The following SYNPR variants were observed in gnomAD, a reference collection of about 807,000 sequenced individuals.
The protein encoded by SYNPR is synaptoporin.
Under a neutral mutation model 32.9 loss-of-function variants are expected in SYNPR, and 23 were observed. The ratio of observed to expected loss-of-function variants is 0.70; its 90% CI spans 0.50 to 0.99. SYNPR has a LOEUF of 0.99. SYNPR is among the 50% of genes least tolerant of loss of function. The probability of loss-of-function intolerance (pLI) is 0.00; values close to 1 mark genes in which losing one functional copy is unlikely to be tolerated. For synonymous variants in SYNPR, 146 were observed against 135.9 expected, an observed-to-expected ratio of 1.07 and a Z score of -0.52; for missense variants, 318 against 349.3, an observed-to-expected ratio of 0.91 and a Z score of 0.71.
At chr3:63,408,269 GAAAGAAAGAGGAAGGAAGGAAGGA>G (rs2088403807) in intron 2 of SYNPR, among the ~76,000 whole-genome samples, 4 of 112,158 alleles carry the variant, frequency 3.6e-5, no homozygotes, top group East Asian at 2.6e-4. Context: ...AAGAAAGAAA[GAAAGAAAGAGGAAGGAAGGAAGGA>G]AGGAAGGAAG....
intron 2 of SYNPR, among the ~76,000 whole-genome samples, chr3:63,374,791 G>A (rs1265565151): frequency 6.6e-6 from 1 of 152,092 alleles, no homozygotes; most frequent in Non-Finnish European, 1.5e-5. Flanking sequence ...CTCAAATTAT[G>A]TTTAATATTA....
chr3:63,451,300 AC>A (rs1462236878), intron 2 of SYNPR, among the ~76,000 whole-genome samples: 1 of 152,064 alleles, frequency 6.6e-6, no homozygotes, highest in Non-Finnish European at 1.5e-5. Context: ...GGTTAGGGGA[AC>A]CATTTCCCCA....
intron 3 of SYNPR, among the ~76,000 whole-genome samples, chr3:63,512,929 G>T (rs1575684876): frequency 6.6e-6 from 1 of 152,092 alleles, no homozygotes; most frequent in African/African-American, 2.4e-5. Context: ...TCCTTGGAAA[G>T]CTTCTTGGTT....
At chr3:63,599,196 A>G (rs1355733900) in intron 4 of SYNPR, among the ~76,000 whole-genome samples, 2 of 152,174 alleles carry the variant, frequency 1.3e-5, no homozygotes, top group Non-Finnish European at 2.9e-5. Context: ...TGGTGACATC[A>G]TAGCCATCAT....
intron 2 of SYNPR, among the ~76,000 whole-genome samples, chr3:63,462,022 T>G (rs553960883): frequency 3.3e-5 from 5 of 152,256 alleles, no homozygotes; most frequent in African/African-American, 9.6e-5. Context: ...CCATCCCGTC[T>G]TGCCTCAAGC....
chr3:63,445,433 A>G, intron 2 of SYNPR: 2 of 616,840 alleles, frequency 3.2e-6, no homozygotes, highest in East Asian at 5.5e-5. Context: ...ATAATATCAT[A>G]ACCAGAAAAT....
At chr3:63,495,734 CT>C (rs1337043483) in intron 3 of SYNPR, among the ~76,000 whole-genome samples, 1 of 151,908 alleles carries the variant, frequency 6.6e-6, no homozygotes, top group Non-Finnish European at 1.5e-5. Flanking sequence ...TTCTAAAATC[CT>C]TTTAGCAAAA....
chr3:63,254,256 C>T (rs1329160227), intron 2 of SYNPR, among the ~76,000 whole-genome samples: 1 of 152,030 alleles, frequency 6.6e-6, no homozygotes, highest in Non-Finnish European at 1.5e-5. Flanking sequence ...CAACATGGCA[C>T]ATGTATACAT....
chr3:63,372,739 G>A (rs2087834815), intron 2 of SYNPR, among the ~76,000 whole-genome samples: 1 of 152,212 alleles, frequency 6.6e-6, no homozygotes, highest in East Asian at 1.9e-4. Flanking sequence ...AAGCTGGGGT[G>A]AAAACATAAA....
intron 2 of SYNPR, among the ~76,000 whole-genome samples, chr3:63,260,020 G>A (rs1321733270): frequency 1.3e-5 from 2 of 152,122 alleles, no homozygotes; most frequent in African/African-American, 2.4e-5. Context: ...CAAGGGACGC[G>A]AAGGACCTCT....
chr3:63,446,950 C>T (rs931078338), intron 2 of SYNPR, among the ~76,000 whole-genome samples: 8 of 151,984 alleles, frequency 5.3e-5, no homozygotes, highest in African/African-American at 1.7e-4. Context: ...AATACATTTC[C>T]AAAATGATAG....
chr3:63,209,487 T>G, the SYNPR span, among the ~76,000 whole-genome samples: 1 of 152,172 alleles, frequency 6.6e-6, no homozygotes, highest in Non-Finnish European at 1.5e-5. Flanking sequence ...GGGGTTAATT[T>G]AAACAACAAA....
At chr3:63,242,399 C>A (rs2086255729) in intron 1 of SYNPR, among the ~76,000 whole-genome samples, 1 of 152,072 alleles carries the variant, frequency 6.6e-6, no homozygotes, top group Admixed American at 6.6e-5. Flanking sequence ...TGGGAAAACT[C>A]TGCCCCGACC....
At chr3:63,568,478 CCACTTATATAGTCCT>C (rs1168384816) in intron 4 of SYNPR, among the ~76,000 whole-genome samples, 1 of 152,164 alleles carries the variant, frequency 6.6e-6, no homozygotes, top group Non-Finnish European at 1.5e-5. Flanking sequence ...CCACCCTCTC[CCACTTATATAGTCCT>C]GGCGGATGGT....
intron 2 of SYNPR, among the ~76,000 whole-genome samples, chr3:63,346,424 A>T (rs1215185860): frequency 1.3e-5 from 2 of 152,144 alleles, no homozygotes; most frequent in African/African-American, 4.8e-5. Context: ...CTTGCAACTG[A>T]GAAGTTGTAC....
chr3:63,520,665 T>TGTGA (rs1385801166), intron 3 of SYNPR, among the ~76,000 whole-genome samples: 15 of 111,494 alleles, frequency 1.3e-4, no homozygotes, highest in East Asian at 2.6e-4. Flanking sequence ...AGAGCAAGAC[T>TGTGA]CCATCTCAAA....
intron 2 of SYNPR, among the ~76,000 whole-genome samples, chr3:63,451,900 T>C (rs184221760): frequency 8.5e-4 from 129 of 152,272 alleles, no homozygotes; most frequent in Admixed American, 2.7e-3. Context: ...GACCATTATC[T>C]GCTGGCATTC....
rs143281989 is a variant in SYNPR, at chr3:63,437,659, G to A, written c.85-43173G>A. Among the ~76,000 whole-genome samples, 89 of 143,192 alleles carry A rather than the reference G, an allele frequency of 6.2e-4. 1 individual carries two copies. Among genetic ancestry groups the A allele is most frequent in the African/African-American group, 1.8e-3 (70 of 39,914 alleles). 93.9% of individuals were successfully genotyped at this position (143,192 alleles called of 152,430 possible). Reference sequence around the variant, plus strand: ...GAAGGGAGGTAGGGAGGGAGGGAGGGAGAGAAAGAAAGAAAAAGAAGGAAA... The same window carrying A: ...GAAGGGAGGTAGGGAGGGAGGGAGGAAGAGAAAGAAAGAAAAAGAAGGAAA... On this transcript the variant is annotated intron_variant, in intron 2 of 5. Coordinates refer to ENST00000478300, the MANE Select transcript of SYNPR (RefSeq NM_001130003.2).
intron 3 of SYNPR, among the ~76,000 whole-genome samples, chr3:63,489,632 T>A (rs1309661321): frequency 6.6e-6 from 1 of 152,184 alleles, no homozygotes; most frequent in Non-Finnish European, 1.5e-5. Context: ...GTTGGTGAAG[T>A]AGACACGACT....
Sources: gnomAD v4.1 joint callset for allele counts (sites outside exome capture counted in the v4.1 genomes callset) on GRCh38, gnomAD v4.1.1 for gene constraint, MANE v1.5 for transcripts, NCBI Gene and HGNC (gene_info 2026-07-23, HGNC 2026-07-21) for gene names.